The following PTPN11 variants were observed in gnomAD, a reference collection of about 807,000 sequenced individuals.
PTPN11 encodes tyrosine-protein phosphatase non-receptor type 11.
A neutral mutation model predicts 78.8 loss-of-function variants in PTPN11; 6 were observed. The ratio of observed to expected loss-of-function variants is 0.08; its 90% CI spans 0.04 to 0.15. The LOEUF (loss-of-function observed/expected upper bound fraction) is 0.15. PTPN11 is among the 10% of genes least tolerant of loss of function. The pLI, the probability that PTPN11 is intolerant of heterozygous loss-of-function variation, is 1.00. For synonymous variants in PTPN11, 221 were observed against 263.5 expected, an observed-to-expected ratio of 0.84 and a Z score of 1.56; for missense variants, 386 against 744.8, an observed-to-expected ratio of 0.52 and a Z score of 5.61.
rs1052422062 is a variant in PTPN11, at chr12:112,507,886, A to G, written c.*2094A>G. On this transcript the variant is annotated 3_prime_UTR_variant, in exon 16 of 16. Transcript: ENST00000351677. Reference sequence around the variant, plus strand: ...CAGAACACAGGTGTGGCCTGAAGGTATTCCCTTATTAGGGAAGTGTCACTG... The same window carrying G: ...CAGAACACAGGTGTGGCCTGAAGGTGTTCCCTTATTAGGGAAGTGTCACTG... The G allele has an allele frequency of 6.6e-6, 1 of 152,658 alleles. No homozygotes were observed. Among genetic ancestry groups the G allele is most frequent in the African/African-American group, 2.4e-5 (1 of 41,466 alleles). The allele number at this position is 152,658 out of a possible 1,614,324, so 9.5% of individuals were successfully genotyped here.
At chr12:112,434,411 C>T (rs1191023760) in intron 1 of PTPN11, among the ~76,000 whole-genome samples, 1 of 151,966 alleles carries the variant, frequency 6.6e-6, no homozygotes, top group African/African-American at 2.4e-5. Context: ...AGATCAAGAC[C>T]ATCCTGGCCA....
chr12:112,445,718 C>T (rs553203577), intron 1 of PTPN11, among the ~76,000 whole-genome samples: 143 of 150,174 alleles, frequency 9.5e-4, no homozygotes, highest in Non-Finnish European at 1.8e-3. Flanking sequence ...CTTGGCTCAC[C>T]GCAACCTCTG....
chr12:112,492,319 C>T (rs2038756124), intron 13 of PTPN11, among the ~76,000 whole-genome samples: 1 of 152,040 alleles, frequency 6.6e-6, no homozygotes, highest in Non-Finnish European at 1.5e-5. Flanking sequence ...CGTAAAGTTA[C>T]TTGAGCAAAA....
chr12:112,509,069 A>G lies in PTPN11; in HGVS notation c.*3277A>G, dbSNP rs935644365. 4.6e-5 allele frequency: 7 copies of G among 152,238 alleles called. No homozygotes were observed. Among genetic ancestry groups the G allele is most frequent in the Non-Finnish European group, 8.8e-5 (6 of 68,048 alleles). 9.4% of individuals were successfully genotyped at this position (152,238 alleles called of 1,614,324 possible). ...AACTTAGACTATAGACATAACTACA[A>G]AGCCAGTGCAGCTTTTGTTTTCTGT... On this transcript the variant is annotated 3_prime_UTR_variant, in exon 16 of 16. Coordinates refer to ENST00000351677, the MANE Select transcript of PTPN11 (RefSeq NM_002834.5).
chr12:112,429,064 A>C (rs1476938882), intron 1 of PTPN11, among the ~76,000 whole-genome samples: 1 of 152,180 alleles, frequency 6.6e-6, no homozygotes. Context: ...TATTGTTTGA[A>C]ATAATGTAGA....
intron 13 of PTPN11, among the ~76,000 whole-genome samples, chr12:112,489,738 TGAG>T (rs2038723003): frequency 6.6e-6 from 1 of 152,192 alleles, no homozygotes; most frequent in African/African-American, 2.4e-5. Flanking sequence ...ATGAAGGAAA[TGAG>T]GAGAGCTGCT....
intron 10 of PTPN11, among the ~76,000 whole-genome samples, chr12:112,484,912 T>TA (rs149970374): frequency 2.0e-4 from 29 of 146,530 alleles, no homozygotes; most frequent in African/African-American, 5.5e-4. Flanking sequence ...ATAAAAAAAT[T>TA]AAAAAAAAAA....
rs189214445 is a variant in PTPN11, at chr12:112,480,301, G to A, written c.1093-1773G>A. On this transcript the variant is annotated intron_variant, in intron 9 of 15. Coordinates refer to ENST00000351677, the MANE Select transcript of PTPN11 (RefSeq NM_002834.5). ...TGCATCAAATCTGTCAGAGGTGTTT[G>A]GATCTACAAAATACCGGAGGGAAAG... Among the ~76,000 whole-genome samples, 9 of 151,796 alleles carry A rather than the reference G, an allele frequency of 5.9e-5. No homozygotes were observed. In the East Asian group the frequency reaches 7.7e-4, roughly 13 times the overall value.
intron 13 of PTPN11, among the ~76,000 whole-genome samples, chr12:112,497,823 A>C (rs1258180809): frequency 1.3e-5 from 2 of 152,224 alleles, no homozygotes; most frequent in Non-Finnish European, 1.5e-5. Flanking sequence ...CATGGAAGTC[A>C]TTGAGGAGTC....
chr12:112,445,636 A>C (rs1029669457), intron 1 of PTPN11, among the ~76,000 whole-genome samples: 16 of 144,980 alleles, frequency 1.1e-4, no homozygotes, highest in African/African-American at 4.1e-4. Context: ...TAAGAAACTT[A>C]TTCTTTTTTT....
intron 13 of PTPN11, among the ~76,000 whole-genome samples, chr12:112,499,691 T>G (rs558862823): frequency 1.2e-4 from 19 of 152,214 alleles, no homozygotes; most frequent in Non-Finnish European, 2.4e-4. Flanking sequence ...GGCTCATGCC[T>G]GTAAACCCAG....
intron 6 of PTPN11, among the ~76,000 whole-genome samples, chr12:112,462,979 T>A (rs2038271637): frequency 6.6e-6 from 1 of 152,204 alleles, no homozygotes; most frequent in African/African-American, 2.4e-5. Context: ...CATCTATAAC[T>A]TTTATTATAC....
chr12:112,456,262 G>A (rs1426465583), intron 6 of PTPN11, among the ~76,000 whole-genome samples, 199 bp downstream of exon 6: 2 of 152,132 alleles, frequency 1.3e-5, no homozygotes, highest in African/African-American at 2.4e-5. Flanking sequence ...AGGGAAGGGA[G>A]TTGGCAGTGA....
Position 112,450,365 on chromosome 12 carries a change from A to G in PTPN11, c.185A>G (p.Tyr62Cys), listed in dbSNP as rs1013419211. The G allele has an allele frequency of 6.2e-6, 10 of 1,613,146 alleles. No individual in the cohort carries two copies. The highest frequency in any genetic ancestry group is 4.0e-5 in the African/African-American group (3 of 74,904). Residue 62 changes from tyrosine to cysteine, a missense_variant, in exon 3 of 16, where the codon TAC becomes TGC. Coordinates refer to ENST00000351677, the MANE Select transcript of PTPN11 (RefSeq NM_002834.5). ...ATCAAGATTCAGAACACTGGTGATT[A>G]CTATGACCTGTATGGAGGGGAGAAA... ...THIKIQNTGD[Y>C]YDLYGGEKFA...
At chr12:112,474,087 G>T (rs570806349) in intron 7 of PTPN11, among the ~76,000 whole-genome samples, 1 of 152,020 alleles carries the variant, frequency 6.6e-6, no homozygotes, top group East Asian at 2.0e-4. Context: ...AGTGGCTTAC[G>T]CCTGTAATCC....
intron 7 of PTPN11, among the ~76,000 whole-genome samples, chr12:112,475,141 G>A (rs377086762): frequency 2.4e-4 from 37 of 152,252 alleles, no homozygotes; most frequent in Middle Eastern, 3.4e-3. Flanking sequence ...GGAAGCATTC[G>A]TAGTATCCTG....
chr12:112,439,709 AT>A (rs1339259147), intron 1 of PTPN11, among the ~76,000 whole-genome samples: 3 of 151,094 alleles, frequency 2.0e-5, no homozygotes, highest in South Asian at 4.2e-4. Context: ...ACCTCAGGTG[AT>A]CTACCTGCCT....
chr12:112,472,536 CT>C (rs71445574), intron 6 of PTPN11, among the ~76,000 whole-genome samples: 176 of 141,846 alleles, frequency 1.2e-3, no homozygotes, highest in Admixed American at 1.1e-3. Context: ...GATGAACCTT[CT>C]TTTTTTTTTT....
intron 1 of PTPN11, among the ~76,000 whole-genome samples, chr12:112,425,455 A>G (rs1466945584): frequency 6.6e-6 from 1 of 152,178 alleles, no homozygotes; most frequent in Admixed American, 6.6e-5. Context: ...GTAACAAACT[A>G]TAAACTTATT....
Sources: allele counts gnomAD v4.1 joint callset (sites outside exome capture counted in the v4.1 genomes callset), GRCh38; gene constraint gnomAD v4.1.1; transcripts MANE v1.5; gene names NCBI Gene and HGNC (gene_info 2026-07-23, HGNC 2026-07-21).